Variants in GNG4 observed in about 807,000 individuals in gnomAD.
GNG4 encodes the protein guanine nucleotide-binding protein G(I)/G(S)/G(O) subunit gamma-4.
GNG4 carries 4 observed loss-of-function variants against 5.8 expected under a neutral mutation model. The ratio of observed to expected loss-of-function variants is 0.69; its 90% confidence interval spans 0.34 to 1.57. GNG4 has a LOEUF of 1.57. Ranked by LOEUF, GNG4 falls within the 40% of genes most tolerant of loss-of-function variation. The pLI is 0.06. For missense variants in GNG4, 96 were observed against 95.1 expected (o/e 1.01, Z -0.04); for synonymous variants, 29 against 32.9 (o/e 0.88, Z 0.41).
chr1:235,558,382 ATAAC>A (rs1197711563), intron 3 of GNG4, among the ~76,000 whole-genome samples: 1 of 152,216 alleles, frequency 6.6e-6, no homozygotes, highest in Non-Finnish European at 1.5e-5. Flanking sequence ...TATAACCTTT[ATAAC>A]CAAAGTATCT....
intron 1 of GNG4, among the ~76,000 whole-genome samples, chr1:235,614,274 G>A (rs182909965): frequency 6.6e-6 from 1 of 151,550 alleles, no homozygotes; most frequent in African/African-American, 2.4e-5. Flanking sequence ...TTCTGATATT[G>A]GTCATTTGTA....
intron 1 of GNG4, among the ~76,000 whole-genome samples, chr1:235,597,952 C>A (rs905199705): frequency 6.6e-6 from 1 of 152,130 alleles, no homozygotes; most frequent in African/African-American, 2.4e-5. Flanking sequence ...AACAGTGCTT[C>A]TTCTACTTTT....
At chr1:235,606,146 G>A (rs954617872) in intron 1 of GNG4, among the ~76,000 whole-genome samples, 18 of 151,894 alleles carry the variant, frequency 1.2e-4, no homozygotes, top group Admixed American at 6.6e-5. Flanking sequence ...CAAGCAGACC[G>A]AGGTGGGCGG....
rs115560753 is a variant in GNG4, at chr1:235,634,017, G to C, written c.-123+15645C>G. Among the ~76,000 whole-genome samples, 456 of 152,326 alleles carry C rather than the reference G, an allele frequency of 3.0e-3. 2 individuals carry two copies. The highest frequency in any genetic ancestry group is 0.011 in the African/African-American group (441 of 41,580). ...AAAGGTTCATGGTGGGAAATGGGAGGATTCGAAATCAGAGAGAGCTCAGAT... is the reference window on the plus strand; with the variant it reads ...AAAGGTTCATGGTGGGAAATGGGAGCATTCGAAATCAGAGAGAGCTCAGAT... On this transcript the variant is annotated intron_variant, in intron 1 of 3. Coordinates refer to ENST00000391854, the MANE Select transcript of GNG4 (RefSeq NM_001098722.2).
intron 1 of GNG4, among the ~76,000 whole-genome samples, chr1:235,611,004 C>G (rs1688465853): frequency 6.6e-6 from 1 of 152,210 alleles, no homozygotes; most frequent in African/African-American, 2.4e-5. Context: ...AGGAGAATCA[C>G]TTCAACCCAG....
In GNG4 at chr1:235,597,598, G is replaced by C. The variant is rs1303681783; in HGVS notation, c.-122-2087C>G. Among the ~76,000 whole-genome samples, 212 of 84,536 alleles carry C rather than the reference G, an allele frequency of 2.5e-3. 3 individuals carry two copies. The highest frequency in any genetic ancestry group is 4.7e-3 in the African/African-American group (98 of 20,708). The allele number at this position is 84,536 out of a possible 152,430, so 55.5% of individuals were successfully genotyped here. On this transcript the variant is annotated intron_variant, in intron 1 of 3. Transcript: ENST00000391854. ...TTTTTAACTTGTTTGCTGTGTGTGT[G>C]TGTGTGTGTGTGTGTGTGTGTGTGT...
At chr1:235,567,629 CAT>C (rs1372814008) in intron 3 of GNG4, among the ~76,000 whole-genome samples, 2 of 152,192 alleles carry the variant, frequency 1.3e-5, no homozygotes, top group African/African-American at 2.4e-5. Context: ...TGTTGTCCCA[CAT>C]GTCTGAGTTT....
chr1:235,551,784 ATG>A lies in GNG4; in HGVS notation c.*323_*324del. On this transcript the variant is annotated 3_prime_UTR_variant, in exon 4 of 4. Transcript: ENST00000391854. ...TTTTTAAAATAAATTATCCACTGAA[ATG>A]TATTAATATGATATAAACTTGGAAA... The A allele has an allele frequency of 6.1e-6, 1 of 164,800 alleles. No homozygotes were observed. The highest frequency in any genetic ancestry group is 1.3e-5 in the Non-Finnish European group (1 of 75,914). The allele number at this position is 164,800 out of a possible 1,614,324, so 10.2% of individuals were successfully genotyped here.
At chr1:235,620,824 T>C (rs6429205) in intron 1 of GNG4, among the ~76,000 whole-genome samples, 132,099 of 152,240 alleles carry the variant, frequency 0.87, 57,608 homozygotes, top group African/African-American at 0.96. Flanking sequence ...CGTGAGCCAC[T>C]GCGCCCGGCC....
chr1:235,600,510 G>A (rs563289845), intron 1 of GNG4, among the ~76,000 whole-genome samples: 42 of 151,880 alleles, frequency 2.8e-4, no homozygotes, highest in Non-Finnish European at 4.7e-4. Flanking sequence ...TGCAATCATA[G>A]CTCACTGCAG....
intron 1 of GNG4, among the ~76,000 whole-genome samples, chr1:235,605,781 G>A (rs1688344316): frequency 6.6e-6 from 1 of 151,956 alleles, no homozygotes; most frequent in South Asian, 2.1e-4. Flanking sequence ...GGAAACCCTG[G>A]GTGGTCCCTT....
At chr1:235,557,115 C>G (rs567135104) in intron 3 of GNG4, among the ~76,000 whole-genome samples, 2 of 152,320 alleles carry the variant, frequency 1.3e-5, no homozygotes, top group African/African-American at 4.8e-5. Context: ...CAGACTGGTA[C>G]TGGTCCATGG....
At chr1:235,623,686 A>G (rs1158006650) in intron 1 of GNG4, among the ~76,000 whole-genome samples, 2 of 152,006 alleles carry the variant, frequency 1.3e-5, no homozygotes, top group African/African-American at 4.8e-5. Context: ...ACCTCCAGGG[A>G]ATCTTTCCTG....
chr1:235,602,221 G>C lies in GNG4; in HGVS notation c.-122-6710C>G, dbSNP rs572970985. Among the ~76,000 whole-genome samples, 30 of 152,228 alleles carry C rather than the reference G, an allele frequency of 2.0e-4. No homozygotes were observed. In the South Asian group the frequency reaches 2.7e-3, roughly 14 times the overall value. ...CAGGAGGCGGAGGTTGCAGTGAGCT[G>C]AGATCGCGCCATTGCACTCCAGCCT... On this transcript the variant is annotated intron_variant, in intron 1 of 3. Coordinates refer to ENST00000391854, the MANE Select transcript of GNG4 (RefSeq NM_001098722.2).
chr1:235,635,342 C>A (rs559999607), intron 1 of GNG4, among the ~76,000 whole-genome samples: 1 of 152,106 alleles, frequency 6.6e-6, no homozygotes, highest in African/African-American at 2.4e-5. Flanking sequence ...ACTAAAAATA[C>A]AAAATGATTC....
chr1:235,633,270 C>A (rs1558504223), intron 1 of GNG4, among the ~76,000 whole-genome samples: 1 of 152,076 alleles, frequency 6.6e-6, no homozygotes, highest in East Asian at 1.9e-4. Context: ...GAATGGCAGG[C>A]TGGGGATGGA....
chr1:235,637,948 G>A (rs963192756), intron 1 of GNG4, among the ~76,000 whole-genome samples: 1 of 152,232 alleles, frequency 6.6e-6, no homozygotes, highest in African/African-American at 2.4e-5. Flanking sequence ...GACTTGAGGA[G>A]ACCACCGAAA....
chr1:235,589,453 C>T (rs1440082190), intron 2 of GNG4, among the ~76,000 whole-genome samples: 1 of 152,282 alleles, frequency 6.6e-6, no homozygotes, highest in African/African-American at 2.4e-5. Flanking sequence ...TGTGAGAGAG[C>T]TGGTATGAGT....
At chr1:235,594,687 G>A (rs1164949509) in intron 2 of GNG4, among the ~76,000 whole-genome samples, 2 of 152,186 alleles carry the variant, frequency 1.3e-5, no homozygotes, top group African/African-American at 2.4e-5. Flanking sequence ...GTGCGGGGCC[G>A]CTAAACCCAC....
Sources: gnomAD v4.1 joint callset for allele counts (sites outside exome capture counted in the v4.1 genomes callset) on GRCh38, gnomAD v4.1.1 for gene constraint, MANE v1.5 for transcripts, NCBI Gene and HGNC (gene_info 2026-07-23, HGNC 2026-07-21) for gene names.